The following AGBL4 variants were observed in gnomAD, a reference collection of about 807,000 sequenced individuals.
The protein encoded by AGBL4 is AGBL carboxypeptidase 4.
AGBL4 carries 58 observed loss-of-function variants against 66.4 expected under a neutral mutation model. That is an observed-to-expected ratio of 0.87 (90% confidence interval 0.71 to 1.09). The LOEUF is 1.09. Ranked by LOEUF, AGBL4 falls within the 50% of genes least tolerant of loss-of-function variation. The pLI is 0.00. For synonymous variants in AGBL4, 234 were observed against 222.9 expected (o/e 1.05, Z -0.44); for missense variants, 579 against 631.0 (o/e 0.92, Z 0.88).
chr1:49,291,813 G>C (rs938699933), intron 3 of AGBL4, among the ~76,000 whole-genome samples: 2 of 152,202 alleles, frequency 1.3e-5, no homozygotes, highest in African/African-American at 4.8e-5. Flanking sequence ...CACAGAGCCA[G>C]AGGGAGCCAG....
In AGBL4 at chr1:49,825,701, T is replaced by C. The variant is rs1054151278; in HGVS notation, c.157+25695A>G. Among the ~76,000 whole-genome samples the C allele has an allele frequency of 3.9e-5, 6 of 152,310 alleles. No individual in the cohort carries two copies. The South Asian group carries it at 1.2e-3, about 32-fold the overall frequency. ...TGAATAGAACAAAAGACTGACCTCC[T>C]TGAGTAACAGGAAATTCTGCCAGCA... On this transcript the variant is annotated intron_variant, in intron 2 of 13. Transcript: ENST00000371839.
chr1:48,759,507 G>C, intron 6 of AGBL4: 5 of 891,534 alleles, frequency 5.6e-6, no homozygotes, highest in East Asian at 5.9e-5. Flanking sequence ...CTTGCCCAAA[G>C]TCATAACCAG....
intron 5 of AGBL4, among the ~76,000 whole-genome samples, chr1:48,874,832 T>C (rs902069934): frequency 5.3e-5 from 8 of 152,066 alleles, no homozygotes; most frequent in Admixed American, 5.2e-4. Flanking sequence ...CCTGAGCTCA[T>C]GCCCACCCCC....
At chr1:48,630,305 A>G (rs561501177) in intron 9 of AGBL4, among the ~76,000 whole-genome samples, 1 of 152,340 alleles carries the variant, frequency 6.6e-6, no homozygotes, top group Admixed American at 6.5e-5. Context: ...TCCTGTTTCC[A>G]GGTTAGGAAC....
intron 3 of AGBL4, among the ~76,000 whole-genome samples, chr1:49,677,756 G>A (rs1646609122): frequency 6.6e-6 from 1 of 152,064 alleles, no homozygotes. Flanking sequence ...CTTTAGATGA[G>A]GTCATAAAGG....
At chr1:49,188,021 T>C (rs951814603) in intron 4 of AGBL4, among the ~76,000 whole-genome samples, 1 of 152,146 alleles carries the variant, frequency 6.6e-6, no homozygotes, top group African/African-American at 2.4e-5. Flanking sequence ...GCACATGCTC[T>C]CTCTTTATCT....
intron 2 of AGBL4, among the ~76,000 whole-genome samples, chr1:49,756,892 C>T (rs2147852353): frequency 6.6e-6 from 1 of 152,198 alleles, no homozygotes; most frequent in African/African-American, 2.4e-5. Flanking sequence ...TTGGGCAGTT[C>T]TTTATAGCAG....
In AGBL4 at chr1:49,885,233, C is replaced by T. The variant is rs1647899620; in HGVS notation, c.35-33715G>A. Among the ~76,000 whole-genome samples the T allele has an allele frequency of 2.0e-5, 3 of 151,866 alleles. No individual in the cohort carries two copies. In the South Asian group the frequency reaches 6.2e-4, roughly 31 times the overall value. ...GTCTGTCAAAAGTTCCATTATAAAG[C>T]CATATTTCCAGGGCTTCATAATTTT... On this transcript the variant is annotated intron_variant, in intron 1 of 13. Coordinates refer to ENST00000371839, the MANE Select transcript of AGBL4 (RefSeq NM_032785.4).
At chr1:49,573,186 G>GTGTGTA (rs1558065448) in intron 3 of AGBL4, among the ~76,000 whole-genome samples, 11 of 141,252 alleles carry the variant, frequency 7.8e-5, no homozygotes. Context: ...GTGTGTGTGT[G>GTGTGTA]TGTATACTTT....
intron 3 of AGBL4, among the ~76,000 whole-genome samples, chr1:49,349,008 C>T (rs551138916): frequency 6.6e-6 from 1 of 152,202 alleles, no homozygotes; most frequent in Non-Finnish European, 1.5e-5. Flanking sequence ...GGTCTCATCT[C>T]TATTAATTCC....
intron 3 of AGBL4, among the ~76,000 whole-genome samples, chr1:49,617,119 A>G (rs1463918971): frequency 6.6e-6 from 1 of 151,818 alleles, no homozygotes; most frequent in African/African-American, 2.4e-5. Context: ...CATGATCTTG[A>G]CTCTATTACC....
intron 8 of AGBL4, among the ~76,000 whole-genome samples, chr1:48,644,006 T>C (rs1645797823): frequency 6.6e-6 from 1 of 152,168 alleles, no homozygotes; most frequent in Non-Finnish European, 1.5e-5. Flanking sequence ...CTTTTATCAA[T>C]AATAAAGCTA....
chr1:48,927,621 A>G (rs1654697944), intron 5 of AGBL4, among the ~76,000 whole-genome samples: 1 of 152,196 alleles, frequency 6.6e-6, no homozygotes, highest in African/African-American at 2.4e-5. Context: ...GGGGGATATT[A>G]AGTGTCAGTG....
chr1:50,021,898 C>T lies in AGBL4; in HGVS notation c.34+1865G>A, dbSNP rs368439395. 1.4e-3 allele frequency among the ~76,000 whole-genome samples: 210 copies of T among 152,326 alleles called. 1 individual carries two copies. Among genetic ancestry groups the T allele is most frequent in the African/African-American group, 4.7e-3 (197 of 41,566 alleles). On this transcript the variant is annotated intron_variant, in intron 1 of 13. Transcript: ENST00000371839. ...AATTCATATCATATTCTACAAAGTA[C>T]TGGAAGATCTGGCTTCAGCGTACCT...
intron 2 of AGBL4, among the ~76,000 whole-genome samples, chr1:49,709,175 G>A (rs573311901): frequency 2.2e-4 from 33 of 152,304 alleles, no homozygotes; most frequent in Admixed American, 1.4e-3. Flanking sequence ...CTTCCTCCAG[G>A]ACCTCTGTCC....
intron 1 of AGBL4, among the ~76,000 whole-genome samples, chr1:49,885,462 T>C (rs776864907): frequency 2.6e-5 from 4 of 151,870 alleles, no homozygotes; most frequent in Non-Finnish European, 4.4e-5. Flanking sequence ...AAAATCTATC[T>C]ACAAGATATA....
chr1:48,534,831 C>A, intron 13 of AGBL4, 59 bp downstream of exon 13: 1 of 1,507,962 alleles, frequency 6.6e-7, no homozygotes, highest in Non-Finnish European at 9.0e-7. Flanking sequence ...AGATACAGCC[C>A]TGGAGCACAT....
intron 4 of AGBL4, among the ~76,000 whole-genome samples, chr1:49,118,383 T>C (rs1169949273): frequency 6.6e-6 from 1 of 152,240 alleles, no homozygotes; most frequent in Non-Finnish European, 1.5e-5. Context: ...TAATTTGAGA[T>C]ACATTCCATC....
intron 3 of AGBL4, among the ~76,000 whole-genome samples, chr1:49,512,161 G>A (rs146328625): frequency 6.6e-6 from 1 of 152,026 alleles, no homozygotes; most frequent in Admixed American, 6.6e-5. Context: ...TTTCAGCCTT[G>A]GAGAAGATAA....
Sources: gnomAD v4.1 joint callset for allele counts (sites outside exome capture counted in the v4.1 genomes callset) on GRCh38, gnomAD v4.1.1 for gene constraint, MANE v1.5 for transcripts, NCBI Gene and HGNC (gene_info 2026-07-23, HGNC 2026-07-21) for gene names.